The following DBP variants were observed in gnomAD, a reference collection of about 807,000 sequenced individuals.
DBP encodes the protein D site-binding protein.
DBP carries 12 observed loss-of-function variants against 21.4 expected under a neutral mutation model. That is an observed-to-expected ratio of 0.56 (90% CI 0.36 to 0.91). DBP has a LOEUF of 0.91. Among genes scored for constraint, DBP ranks in the 40% least tolerant of loss-of-function variants. The pLI is 0.01. For missense variants in DBP, 423 were observed against 473.4 expected, an observed-to-expected ratio of 0.89 and a Z score of 0.99; for synonymous variants, 213 against 224.9, an observed-to-expected ratio of 0.95 and a Z score of 0.47.
intron 2 of DBP, chr19:48,635,071 G>T (rs911802769): frequency 7.1e-6 from 7 of 986,760 alleles, no homozygotes; most frequent in Non-Finnish European, 8.4e-6. Context: ...GGGACCCGGG[G>T]CTGCAGCACG....
rs1400289507 is a variant in DBP, at chr19:48,635,911, C to T, written c.219G>A (p.Pro73=). The T allele has an allele frequency of 1.4e-6, 2 of 1,431,776 alleles. No homozygotes were observed. Among genetic ancestry groups the T allele is most frequent in the Non-Finnish European group, 1.8e-6 (2 of 1,102,782 alleles). 88.7% of individuals were successfully genotyped at this position (1,431,776 alleles called of 1,614,324 possible). ...TPGPGLETAG[P]ADAPAGAVVG... ...CCACTGCCCCAGCCGGGGCATCCGC[C>T]GGGCCCGCAGTCTCCAGGCCTGGCC... is the stretch of plus-strand genomic sequence containing the variant. The change falls in exon 2 of 4, where the codon CCG becomes CCA. Residue 73 remains proline, a synonymous_variant. Transcript: ENST00000222122.
rs1354595843 is a variant in DBP at position 48,631,760 on chromosome 19, ACTC to A, written c.763-711_763-709del. On this transcript the variant is annotated intron_variant, in intron 3 of 3. Coordinates refer to ENST00000222122, the MANE Select transcript of DBP (RefSeq NM_001352.5). The stretch of plus-strand genomic sequence containing the variant: ...TCCTGGAAGTTGGTTCCTAAGGAAG[ACTC>A]CTCCTTAGTAACCAAGGACCACGGG... 8 of 151,900 alleles carry A rather than the reference ACTC, an allele frequency of 5.3e-5. No homozygotes were observed. The East Asian group carries it at 9.7e-4, about 18-fold the overall frequency. 9.4% of individuals were successfully genotyped at this position (151,900 alleles called of 1,614,324 possible). A position where few individuals can be genotyped will look rare whatever the true frequency, so the allele number is the denominator to read the frequency against.
At chr19:48,636,769 A>G in intron 1 of DBP, 87 bp downstream of exon 1, 1 of 1,473,224 alleles carries the variant, frequency 6.8e-7, no homozygotes, top group Non-Finnish European at 9.2e-7. Flanking sequence ...CCCCGCACGC[A>G]GGTTTCTATG....
chr19:48,630,255 C>G lies in DBP; in HGVS notation c.*582G>C. On this transcript the variant is annotated 3_prime_UTR_variant, in exon 4 of 4. Transcript: ENST00000222122. The surrounding 1 kb of genome is among the most constrained non-coding windows in gnomAD (Gnocchi z 4.9). ...CCAGGAGGGGCAGGTTCCCCGGGGC[C>G]GGCGCTAGGATTTGCACTAATGTTC... 7.8e-7 allele frequency: 1 copy of G among 1,275,476 alleles called. No homozygotes were observed. Among genetic ancestry groups the G allele is most frequent in the Non-Finnish European group, 9.9e-7 (1 of 1,011,348 alleles). The allele number at this position is 1,275,476 out of a possible 1,614,324, so 79.0% of individuals were successfully genotyped here.
chr19:48,636,104 G>T (rs996907186), intron 1 of DBP, 114 bp from the exon 2 acceptor site: 23 of 1,076,692 alleles, frequency 2.1e-5, no homozygotes, highest in African/African-American at 1.8e-4. Flanking sequence ...GAGGGGACGG[G>T]GGGTCGGAGA....
chr19:48,631,035 G>A lies in DBP; in HGVS notation c.780C>T (p.Ser260=), dbSNP rs1243189423. The A allele has an allele frequency of 6.2e-7, 1 of 1,613,076 alleles. No homozygotes were observed. The change falls in exon 4 of 4, where the codon AGC becomes AGT. Residue 260 remains serine, a synonymous_variant. Coordinates refer to ENST00000222122, the MANE Select transcript of DBP (RefSeq NM_001352.5). The part of the protein sequence containing the change: ...PEEQKDEKYW[S]RRYKNNEAAK... ...CTGCCTCGTTGTTCTTGTACCGCCG[G>A]CTCCAGTATTTCTCATCCTGCAGGA...
chr19:48,630,589 G>T lies in DBP; in HGVS notation c.*248C>A, dbSNP rs1179757694. The T allele has an allele frequency of 1.3e-6, 2 of 1,533,344 alleles. No individual in the cohort carries two copies. The highest frequency in any genetic ancestry group is 1.7e-6 in the Non-Finnish European group (2 of 1,145,470). The allele number at this position is 1,533,344 out of a possible 1,614,324, so 95.0% of individuals were successfully genotyped here. A position where few individuals can be genotyped will look rare whatever the true frequency, so the allele number is the denominator to read the frequency against. On this transcript the variant is annotated 3_prime_UTR_variant, in exon 4 of 4. Transcript: ENST00000222122. This position sits in a 1 kb window ranked among gnomAD's most constrained non-coding sequence, Gnocchi z 4.9. Reference sequence around the variant, plus strand: ...GGGTTCTCAAGATTTATTCAGGATCGTGTTAACGGAGGCGGTGGGAGGATA... The same window carrying T: ...GGGTTCTCAAGATTTATTCAGGATCTTGTTAACGGAGGCGGTGGGAGGATA...
At position 48,637,125 on chromosome 19, in the gene DBP, A is replaced by G; in HGVS notation, c.-131T>C. On this transcript the variant is annotated 5_prime_UTR_variant, in exon 1 of 4. Transcript: ENST00000222122. ...GGGCGAGTGTAGCCTGCAACCCTCC[A>G]GTATCCAGAACGCTGCAAATCCTAG... 4 of 812,202 alleles carry G rather than the reference A, an allele frequency of 4.9e-6. No homozygotes were observed. The highest frequency in any genetic ancestry group is 7.3e-6 in the Non-Finnish European group (4 of 547,568). 50.3% of individuals were successfully genotyped at this position (812,202 alleles called of 1,614,324 possible).
chr19:48,630,081 G>A lies in DBP; in HGVS notation c.*756C>T. The A allele has an allele frequency of 7.8e-7, 1 of 1,279,798 alleles. No homozygotes were observed. The highest frequency in any genetic ancestry group is 9.9e-7 in the Non-Finnish European group (1 of 1,013,220). 79.3% of individuals were successfully genotyped at this position (1,279,798 alleles called of 1,614,324 possible). A position where few individuals can be genotyped will look rare whatever the true frequency, so the allele number is the denominator to read the frequency against. On this transcript the variant is annotated 3_prime_UTR_variant, in exon 4 of 4. Coordinates refer to ENST00000222122, the MANE Select transcript of DBP (RefSeq NM_001352.5). This position sits in a 1 kb window ranked among gnomAD's most constrained non-coding sequence, Gnocchi z 4.9. ...CTTGCCACCTGCTCCTACCCGGCCA[G>A]GATGGCTGAGGGCGGAGTCTATTTT...
At position 48,636,982 on chromosome 19, in the gene DBP, C is replaced by T. The variant is rs2030835091; in HGVS notation, c.13G>A (p.Val5Met). 1.3e-6 allele frequency: 2 copies of T among 1,502,964 alleles called. No homozygotes were observed. The highest frequency in any genetic ancestry group is 1.4e-5 in the African/African-American group (1 of 71,396). 93.1% of individuals were successfully genotyped at this position (1,502,964 alleles called of 1,614,324 possible). A position where few individuals can be genotyped will look rare whatever the true frequency, so the allele number is the denominator to read the frequency against. Reference sequence around the variant, plus strand: ...AGAGGGGCCGGGGTCCTGTCGCTCACAGGCCGCGCCATCGCCTGGCACCTG... The same window carrying T: ...AGAGGGGCCGGGGTCCTGTCGCTCATAGGCCGCGCCATCGCCTGGCACCTG... MARP[V>M]SDRTPAPLLL... is the part of the protein sequence containing the mutation. Residue 5 changes from valine (V) to methionine (M), a missense_variant, in exon 1 of 4, where the codon GTG (valine) becomes ATG (methionine). Physicochemically the swap from Val to Met is conservative, Grantham distance 21 (BLOSUM62 1). Transcript: ENST00000222122.
rs1269515449 is a variant in DBP, at chr19:48,633,510, T to C, written c.696A>G (p.Glu232=). 1 of 1,614,118 alleles carries C rather than the reference T, an allele frequency of 6.2e-7. No homozygotes were observed. Among genetic ancestry groups the C allele is most frequent in the Non-Finnish European group, 8.5e-7 (1 of 1,180,044 alleles). Residue 232 remains glutamate (E), a synonymous_variant, in exon 3 of 4, where the codon GAA becomes GAG. Coordinates refer to ENST00000222122, the MANE Select transcript of DBP (RefSeq NM_001352.5). ...TFDPRRHRFS[E]EELKPQPIMK... The stretch of plus-strand genomic sequence containing the variant: ...TGATTGGCTGGGGCTTAAGTTCCTC[T>C]TCTGAGAAGCGATGTCTTCGAGGGT...
intron 1 of DBP, among the ~76,000 whole-genome samples, 191 bp downstream of exon 1, chr19:48,636,665 C>G (rs1468673772): frequency 6.6e-6 from 1 of 152,036 alleles, no homozygotes; most frequent in Non-Finnish European, 1.5e-5. Context: ...GGTGGACGGG[C>G]TTCAGAGCCG....
At position 48,634,639 on chromosome 19, in the gene DBP, CG is replaced by C. The variant is rs1000762813; in HGVS notation, c.550+940del. 123 of 930,276 alleles carry C rather than the reference CG, an allele frequency of 1.3e-4. 1 individual carries two copies. The African/African-American group carries it at 3.3e-3, about 25-fold the overall frequency. 57.6% of individuals were successfully genotyped at this position (930,276 alleles called of 1,614,324 possible). A position where few individuals can be genotyped will look rare whatever the true frequency, so the allele number is the denominator to read the frequency against. ...CGGCGCCCTCACGTTCCCCCGGCCC[CG>C]CCCCCCTCGCGCTTGAAGGCGCCTG... On this transcript the variant is annotated intron_variant, in intron 2 of 3. Transcript: ENST00000222122.
Position 48,633,491 on chromosome 19 carries a change from G to A in DBP, c.715C>T (p.Pro239Ser). 1.2e-6 allele frequency: 2 copies of A among 1,614,160 alleles called. No individual in the cohort carries two copies. The highest frequency in any genetic ancestry group is 1.7e-6 in the Non-Finnish European group (2 of 1,180,040). Residue 239 changes from proline (P) to serine (S), a missense_variant, in exon 3 of 4, where the codon CCA becomes TCA. This residue lies in a region of DBP where 77 missense variants were observed against 97.1 expected (regional missense o/e 0.79). Coordinates refer to ENST00000222122, the MANE Select transcript of DBP (RefSeq NM_001352.5). ...ATTTTTCTTGCCTTCTTCATGATTG[G>A]CTGGGGCTTAAGTTCCTCTTCTGAG... ...RFSEEELKPQ[P>S]IMKKARKIQV... is the part of the protein sequence containing the mutation.
intron 3 of DBP, chr19:48,631,302 C>T (rs2147708382): frequency 1.8e-6 from 1 of 542,166 alleles, no homozygotes; most frequent in South Asian, 2.4e-5. Context: ...GACCCCAGCC[C>T]TCCCCACATG....
chr19:48,633,588 T>G lies in DBP; in HGVS notation c.618A>C (p.Glu206Asp). The G allele has an allele frequency of 3.1e-6, 5 of 1,614,040 alleles. No individual in the cohort carries two copies. Among genetic ancestry groups the G allele is most frequent in the Non-Finnish European group, 4.2e-6 (5 of 1,180,006 alleles). Residue 206 changes from glutamate to aspartate, a missense_variant, in exon 3 of 4, where the codon GAA (glutamate) becomes GAC (aspartate). Transcript: ENST00000222122. ...ATAGGGCAAGATCAGCTGGGTCGGG[T>G]TCAAAGGTCATCAACACCTCCACGG... ...PDTVEVLMTF[E>D]PDPADLALSS...
At chr19:48,634,691 G>A (rs2030718842) in intron 2 of DBP, 3 of 985,396 alleles carry the variant, frequency 3.0e-6, no homozygotes, top group African/African-American at 3.5e-5. Context: ...AGGGATGGGA[G>A]GACTCACGTG....
chr19:48,636,110 G>A (rs2030784240), intron 1 of DBP, 120 bp from the exon 2 acceptor site: 3 of 983,712 alleles, frequency 3.0e-6, no homozygotes, highest in Non-Finnish European at 4.2e-6. Flanking sequence ...ACGGGGGGTC[G>A]GAGAGGAGAG....
chr19:48,635,517 CAGCCCCGCCCCCTGAGTCCA>C (rs1568440315), intron 2 of DBP, 43 bp downstream of exon 2: 8 of 1,471,490 alleles, frequency 5.4e-6, no homozygotes, highest in East Asian at 3.0e-5. Flanking sequence ...CAGCGTCGCA[CAGCCCCGCCCCCTGAGTCCA>C]AGCCCCGCCC....
Sources: gnomAD v4.1 joint callset for allele counts (sites outside exome capture counted in the v4.1 genomes callset) on GRCh38, gnomAD v4.1.1 for gene constraint, gnomAD v4.1.1 regional missense constraint, Gnocchi (gnomAD v3.1) non-coding constraint, MANE v1.5 for transcripts, NCBI Gene and HGNC (gene_info 2026-07-23, HGNC 2026-07-21) for gene names.